GAK: variants seen among roughly 807,000 people sequenced by gnomAD.
GAK encodes cyclin-G-associated kinase.
Under a neutral mutation model 143.9 loss-of-function variants are expected in GAK, and 79 were observed. The observed-to-expected ratio is 0.55, with a 90% CI of 0.46 to 0.66. The LOEUF is 0.66. Ranked by LOEUF, GAK falls within the 30% of genes least tolerant of loss-of-function variation. GAK has a pLI of 0.00. For missense variants in GAK, 1,693 were observed against 1,779.7 expected, an observed-to-expected ratio of 0.95 and a Z score of 0.88; for synonymous variants, 881 against 765.5, an observed-to-expected ratio of 1.15 and a Z score of -2.49.
At chr4:910,822 C>T (rs1360039261) in intron 4 of GAK, among the ~76,000 whole-genome samples, 3 of 152,140 alleles carry the variant, frequency 2.0e-5, no homozygotes, top group African/African-American at 4.8e-5. Context: ...GAGGCCTCCC[C>T]GAGTGCTCGA....
chr4:884,712 C>G (rs1715907718), intron 11 of GAK, among the ~76,000 whole-genome samples: 1 of 152,238 alleles, frequency 6.6e-6, no homozygotes, highest in African/African-American at 2.4e-5. Flanking sequence ...TCCCACAATT[C>G]ACTGGCAGCA....
chr4:897,864 G>T, intron 6 of GAK, 169 bp downstream of exon 6: 1 of 634,294 alleles, frequency 1.6e-6, no homozygotes, highest in Non-Finnish European at 2.5e-6. Flanking sequence ...CAGAAGAATC[G>T]CTTGAACCCA....
intron 11 of GAK, chr4:887,245 CA>C (rs1229517525): frequency 1.1e-5 from 1 of 94,806 alleles, no homozygotes; most frequent in Non-Finnish European, 2.3e-5. Flanking sequence ...CTCACGTGTA[CA>C]CATGCACGCG....
chr4:929,474 C>T (rs1044855529), intron 1 of GAK, among the ~76,000 whole-genome samples: 1 of 152,182 alleles, frequency 6.6e-6, no homozygotes, highest in Non-Finnish European at 1.5e-5. Context: ...CAACGGCACG[C>T]AGAACCCAAA....
At chr4:903,361 G>A (rs1281462876) in intron 5 of GAK, among the ~76,000 whole-genome samples, 2 of 152,230 alleles carry the variant, frequency 1.3e-5, no homozygotes, top group African/African-American at 4.8e-5. Flanking sequence ...GGTGCAGTGG[G>A]GGGACAGTCA....
chr4:883,404 G>T lies in GAK; in HGVS notation c.1315C>A (p.Arg439=). The part of the protein sequence containing the change: ...SALKNNIEDV[R]LFLDSKHPGH... ...GGGTGCTTGGAGTCCAGGAACAACCGCACATCTTCGATGTTGTTTTTGAGC... is the reference window on the plus strand; with the variant it reads ...GGGTGCTTGGAGTCCAGGAACAACCTCACATCTTCGATGTTGTTTTTGAGC... Residue 439 remains arginine (R), a synonymous_variant, in exon 13 of 28, where the codon CGG becomes AGG. Coordinates refer to ENST00000314167, the MANE Select transcript of GAK (RefSeq NM_005255.4). The T allele has an allele frequency of 1.9e-6, 3 of 1,613,748 alleles. No homozygotes were observed. The highest frequency in any genetic ancestry group is 2.5e-6 in the Non-Finnish European group (3 of 1,179,966).
chr4:896,402 T>G, intron 7 of GAK, 58 bp downstream of exon 7: 1 of 1,439,042 alleles, frequency 6.9e-7, no homozygotes, highest in Non-Finnish European at 9.7e-7. Flanking sequence ...CCACGCCGCC[T>G]CAGGTTAAGT....
intron 5 of GAK, among the ~76,000 whole-genome samples, chr4:903,744 G>C (rs1720499109): frequency 6.6e-6 from 1 of 150,746 alleles, no homozygotes; most frequent in African/African-American, 2.4e-5. Flanking sequence ...GGGGTGAGCA[G>C]GAATAGGGTC....
At chr4:926,175 C>A (rs926126499) in intron 1 of GAK, among the ~76,000 whole-genome samples, 4 of 152,146 alleles carry the variant, frequency 2.6e-5, no homozygotes, top group African/African-American at 7.2e-5. Flanking sequence ...TCGACAGTGA[C>A]CTCCCCCAAT....
In GAK at chr4:912,683, C is replaced by T. The variant is rs376548222; in HGVS notation, c.267+52G>A. 3.6e-5 allele frequency: 52 copies of T among 1,456,904 alleles called. No homozygotes were observed. In the African/African-American group the frequency reaches 6.5e-4, roughly 18 times the overall value. 90.2% of individuals were successfully genotyped at this position (1,456,904 alleles called of 1,614,324 possible). ...ACTGGCGGTCACAGCTTGACGCAGG[C>T]CTGTGCCTGCCAAAGCCACCGTGCT... On this transcript the variant is annotated intron_variant, in intron 3 of 27. Transcript: ENST00000314167.
chr4:872,129 C>G (rs1048152424), intron 18 of GAK: 1 of 152,182 alleles, frequency 6.6e-6, no homozygotes, highest in Admixed American at 6.5e-5. Context: ...CTGGTTTTAA[C>G]TGTCACTTCT....
rs2306248 is a variant in GAK, at chr4:866,358, A to G, written c.3043+6T>C. On this transcript the variant is annotated splice_donor_region_variant and intron_variant, in intron 22 of 27. Transcript: ENST00000314167. Reference sequence around the variant, plus strand: ...GAGAGCTGGCTGCCAGGCGAGAGGCACTTACCCAGGTGCAGGAAGTCGGCG... The same window carrying G: ...GAGAGCTGGCTGCCAGGCGAGAGGCGCTTACCCAGGTGCAGGAAGTCGGCG... 1,011,975 of 1,612,370 alleles carry G rather than the reference A, an allele frequency of 0.63. 320,561 individuals are homozygous for G. Among genetic ancestry groups the G allele is most frequent in the South Asian group, 0.81 (73,769 of 91,054 alleles).
chr4:849,833 G>GTCC (rs1309272961), intron 27 of GAK, 59 bp from the exon 28 acceptor site: 13 of 1,190,066 alleles, frequency 1.1e-5, no homozygotes, highest in East Asian at 2.7e-5. Flanking sequence ...GGCGGGGCAG[G>GTCC]ACCCCCCCCC....
intron 18 of GAK, among the ~76,000 whole-genome samples, chr4:873,404 G>A (rs1713128906): frequency 6.6e-6 from 1 of 152,026 alleles, no homozygotes; most frequent in Non-Finnish European, 1.5e-5. Flanking sequence ...CCAACGTGGA[G>A]TCCACTTTAA....
chr4:893,622 A>T, intron 8 of GAK, 133 bp from the exon 9 acceptor site: 1 of 723,884 alleles, frequency 1.4e-6, no homozygotes, highest in Non-Finnish European at 2.1e-6. Flanking sequence ...GCAAGAAGGG[A>T]GCGGCAAAGG....
chr4:910,462 C>A (rs572478226), intron 4 of GAK, among the ~76,000 whole-genome samples: 1 of 151,994 alleles, frequency 6.6e-6, no homozygotes, highest in African/African-American at 2.4e-5. Flanking sequence ...CTGCTCAGTG[C>A]AGGGGTCCCC....
intron 5 of GAK, among the ~76,000 whole-genome samples, chr4:903,311 G>A (rs1171043324): frequency 6.6e-6 from 1 of 152,224 alleles, no homozygotes; most frequent in Non-Finnish European, 1.5e-5. Flanking sequence ...GTGGTGACAG[G>A]AGAGATGGGC....
chr4:915,230 C>G (rs1008165889), intron 1 of GAK, among the ~76,000 whole-genome samples: 3 of 151,830 alleles, frequency 2.0e-5, no homozygotes, highest in Admixed American at 6.6e-5. Context: ...CATGGCCCCC[C>G]GCACTCAGCC....
intron 18 of GAK, among the ~76,000 whole-genome samples, chr4:871,343 C>T (rs1306893078): frequency 6.6e-6 from 1 of 152,214 alleles, no homozygotes; most frequent in Non-Finnish European, 1.5e-5. Context: ...CCAAGGCAGG[C>T]GCTGGCCCTC....
Sources: gnomAD v4.1 joint callset for allele counts (sites outside exome capture counted in the v4.1 genomes callset) on GRCh38, gnomAD v4.1.1 for gene constraint, MANE v1.5 for transcripts, NCBI Gene and HGNC (gene_info 2026-07-23, HGNC 2026-07-21) for gene names.